The following SECTM1 variants were observed in gnomAD, a reference collection of about 807,000 sequenced individuals.
SECTM1 encodes the protein secreted and transmembrane protein 1.
A neutral mutation model predicts 18.1 loss-of-function variants in SECTM1; 10 were observed. That is an observed-to-expected ratio of 0.55 (90% CI 0.34 to 0.94). The LOEUF is 0.94. Ranked by LOEUF, SECTM1 falls within the 40% of genes least tolerant of loss-of-function variation. The pLI is 0.02. For missense variants in SECTM1, 297 were observed against 322.6 expected, an observed-to-expected ratio of 0.92 and a Z score of 0.61; for synonymous variants, 137 against 139.2, an observed-to-expected ratio of 0.98 and a Z score of 0.11.
Position 82,324,695 on chromosome 17 carries a change from C to T in SECTM1, c.290G>A (p.Gly97Glu). 1 of 1,614,182 alleles carries T rather than the reference C, an allele frequency of 6.2e-7. No homozygotes were observed. The highest frequency in any genetic ancestry group is 1.7e-5 in the Admixed American group (1 of 60,026). ...TTTGATCACCAGCTGTGCCACGCCT[C>T]CCTGAACCTGGAGCTGCCAGCCGTC... ...SRDGWQLQVQ[G>E]GVAQLVIKGA... Residue 97 changes from glycine to glutamate, a missense_variant, in exon 3 of 5, where the codon GGA becomes GAA. By Grantham distance (98) the Gly-to-Glu change is moderately conservative. Coordinates refer to ENST00000269389, the MANE Select transcript of SECTM1 (RefSeq NM_003004.3).
At chr17:82,322,450 C>A in intron 4 of SECTM1, 80 bp from the exon 5 acceptor site, 1 of 1,362,324 alleles carries the variant, frequency 7.3e-7, no homozygotes, top group Admixed American at 1.8e-5. Context: ...TGCGTTCACA[C>A]TCACGGGCAT....
rs1029155753 is a variant in SECTM1, at chr17:82,328,877, C to G, written c.-52-1585G>C. On this transcript the variant is annotated intron_variant, in intron 1 of 4. Coordinates refer to ENST00000269389, the MANE Select transcript of SECTM1 (RefSeq NM_003004.3). This position sits in a 1 kb window ranked among gnomAD's most constrained non-coding sequence, Gnocchi z 5.8. ...TCCCTAGGTAGGGCGGCAACTCCAG[C>G]CCTGCCTCTCCCAGCTCCCAGTGCA... is the stretch of plus-strand genomic sequence containing the variant. Among the ~76,000 whole-genome samples, 1 of 152,188 alleles carries G rather than the reference C, an allele frequency of 6.6e-6. No homozygotes were observed. Among genetic ancestry groups the G allele is most frequent in the Non-Finnish European group, 1.5e-5 (1 of 68,030 alleles).
rs1020587791 is a variant in SECTM1, at chr17:82,321,263, G to GT, written c.*897dup. Reference sequence around the variant, plus strand: ...CTAAAGACGTTTCTTTCAGATTTTTGTTTTCCATTTTAAAAATTGCATTTG... The same window carrying GT: ...CTAAAGACGTTTCTTTCAGATTTTTGTTTTTCCATTTTAAAAATTGCATTTG... On this transcript the variant is annotated 3_prime_UTR_variant, in exon 5 of 5. Transcript: ENST00000269389. 1.1e-4 allele frequency: 16 copies of GT among 152,184 alleles called. No homozygotes were observed. Among genetic ancestry groups the GT allele is most frequent in the African/African-American group, 3.6e-4 (15 of 41,450 alleles). The allele number at this position is 152,184 out of a possible 1,614,324, so 9.4% of individuals were successfully genotyped here.
intron 1 of SECTM1, among the ~76,000 whole-genome samples, chr17:82,331,531 C>T (rs895028661): frequency 5.3e-5 from 8 of 152,222 alleles, no homozygotes; most frequent in African/African-American, 1.4e-4. Flanking sequence ...GTGGGACACT[C>T]GGGACACACT....
In SECTM1 at chr17:82,327,039, G is replaced by A. The variant is rs536886169; in HGVS notation, c.94+108C>T. On this transcript the variant is annotated intron_variant, in intron 2 of 4. Coordinates refer to ENST00000269389, the MANE Select transcript of SECTM1 (RefSeq NM_003004.3). ...TGGGTCTGCAGAGTCAGTCATTATCGGGGGTCTGGTGGCACCTGGACCCAA... is the reference window on the plus strand; with the variant it reads ...TGGGTCTGCAGAGTCAGTCATTATCAGGGGTCTGGTGGCACCTGGACCCAA... 4.3e-5 allele frequency: 34 copies of A among 791,292 alleles called. No homozygotes were observed. In the East Asian group the frequency reaches 6.6e-4, roughly 15 times the overall value. 49.0% of individuals were successfully genotyped at this position (791,292 alleles called of 1,614,324 possible).
intron 4 of SECTM1, 76 bp from the exon 5 acceptor site, chr17:82,322,446 C>A: frequency 7.1e-7 from 1 of 1,400,286 alleles, no homozygotes; most frequent in South Asian, 1.2e-5. Context: ...GGCGTGCGTT[C>A]ACACTCACGG....
rs114945035 is a variant in SECTM1, at chr17:82,321,935, C to A, written c.*226G>T. On this transcript the variant is annotated 3_prime_UTR_variant, in exon 5 of 5. Transcript: ENST00000269389. The stretch of plus-strand genomic sequence containing the variant: ...ATGCGTCCTGGTAAGTCGGGTGCTG[C>A]GGAGGTGAGGTGGTTCCATTTTGGA... The A allele has an allele frequency of 5.2e-4, 292 of 559,614 alleles. 2 individuals are homozygous for A. The highest frequency in any genetic ancestry group is 5.2e-3 in the African/African-American group (272 of 52,220). The allele number at this position is 559,614 out of a possible 1,614,324, so 34.7% of individuals were successfully genotyped here.
At chr17:82,327,125 G>A in intron 2 of SECTM1, 22 bp downstream of exon 2, 1 of 1,580,352 alleles carries the variant, frequency 6.3e-7, no homozygotes, top group South Asian at 1.1e-5. Context: ...CCCCAGCAGA[G>A]AGGCGGGGCC....
chr17:82,327,427 C>T (rs1387800875), intron 1 of SECTM1, 135 bp from the exon 2 acceptor site: 2 of 584,736 alleles, frequency 3.4e-6, no homozygotes, highest in Non-Finnish European at 6.2e-6. Flanking sequence ...GATGCTGGAG[C>T]CCCTGCCCTC....
Position 82,330,419 on chromosome 17 carries a change from C to T in SECTM1, c.-52-3127G>A, listed in dbSNP as rs866117846. Among the ~76,000 whole-genome samples, 8 of 152,128 alleles carry T rather than the reference C, an allele frequency of 5.3e-5. No homozygotes were observed. Among genetic ancestry groups the T allele is most frequent in the Non-Finnish European group, 1.0e-4 (7 of 67,996 alleles). ...AAGGTCACAGATCCCCAGAGAGCCCCGACAGCGCTGCGTCCACCCCACCTG... is the reference window on the plus strand; with the variant it reads ...AAGGTCACAGATCCCCAGAGAGCCCTGACAGCGCTGCGTCCACCCCACCTG... On this transcript the variant is annotated intron_variant, in intron 1 of 4. Coordinates refer to ENST00000269389, the MANE Select transcript of SECTM1 (RefSeq NM_003004.3). The surrounding 1 kb of genome is among the most constrained non-coding windows in gnomAD (Gnocchi z 6.1).
chr17:82,327,032 C>A, intron 2 of SECTM1, 115 bp downstream of exon 2: 1 of 759,446 alleles, frequency 1.3e-6, no homozygotes, highest in South Asian at 1.7e-5. Flanking sequence ...CAGAGTCAGT[C>A]ATTATCGGGG....
At position 82,323,709 on chromosome 17, in the gene SECTM1, A is replaced by G. The variant is rs1045222420; in HGVS notation, c.404-698T>C. Among the ~76,000 whole-genome samples, 3 of 152,014 alleles carry G rather than the reference A, an allele frequency of 2.0e-5. No individual in the cohort carries two copies. In the East Asian group the frequency reaches 5.8e-4, roughly 29 times the overall value. On this transcript the variant is annotated intron_variant, in intron 3 of 4. Transcript: ENST00000269389. ...CACCACTGCTTTCTGGTTGAACCAG[A>G]TAAGTAGCTGGTGGTGACGGCTGTG... is the stretch of plus-strand genomic sequence containing the variant.
Position 82,329,999 on chromosome 17 carries a change from A to G in SECTM1, c.-52-2707T>C, listed in dbSNP as rs945127508. Among the ~76,000 whole-genome samples, 1 of 152,084 alleles carries G rather than the reference A, an allele frequency of 6.6e-6. No individual in the cohort carries two copies. The highest frequency in any genetic ancestry group is 6.5e-5 in the Admixed American group (1 of 15,276). On this transcript the variant is annotated intron_variant, in intron 1 of 4. Transcript: ENST00000269389. The surrounding 1 kb of genome is among the most constrained non-coding windows in gnomAD (Gnocchi z 7.6). ...GGATGAGGACGTGACATCTTTGGGG[A>G]CTGGTAGCCGACCACAGAACCCCCA...
chr17:82,322,344 C>T lies in SECTM1; in HGVS notation c.564G>A (p.Gln188=). 1 of 1,613,792 alleles carries T rather than the reference C, an allele frequency of 6.2e-7. No individual in the cohort carries two copies. The highest frequency in any genetic ancestry group is 1.1e-5 in the South Asian group (1 of 91,080). Residue 188 remains glutamine (Q), a synonymous_variant, in exon 5 of 5, where the codon CAG becomes CAA. Coordinates refer to ENST00000269389, the MANE Select transcript of SECTM1 (RefSeq NM_003004.3). ...REKKFFLLEP[Q]MKVAALRAGA... ...CCGCTCTGAGGGCTGCGACCTTCAT[C>T]TGGGGTTCTAGGAGGAAGAACTTCT... is the stretch of plus-strand genomic sequence containing the variant.
chr17:82,323,357 T>C, intron 3 of SECTM1: 1 of 264,154 alleles, frequency 3.8e-6, no homozygotes, highest in South Asian at 5.5e-5. Flanking sequence ...GCCTGCCCTG[T>C]TGTGGCCCAC....
At chr17:82,324,479 C>G (rs2052127008) in intron 3 of SECTM1, 103 bp downstream of exon 3, 14 of 1,230,172 alleles carry the variant, frequency 1.1e-5, no homozygotes, top group Middle Eastern at 2.8e-4. Context: ...TCTTCTTCCT[C>G]CTCCTTCCCT....
chr17:82,327,255 GGGCCCCTGGTCCTTGT>G lies in SECTM1; in HGVS notation c.-31_-16del. 1.9e-6 allele frequency: 3 copies of G among 1,593,130 alleles called. No individual in the cohort carries two copies. In the East Asian group the frequency reaches 6.8e-5, roughly 36 times the overall value. On this transcript the variant is annotated 5_prime_UTR_variant, in exon 2 of 5. Coordinates refer to ENST00000269389, the MANE Select transcript of SECTM1 (RefSeq NM_003004.3). Reference sequence around the variant, plus strand: ...CAGGTCTGCATGGCTGGTGGGACTTGGGCCCCTGGTCCTTGTCACTGGCTCTTGAAACACTCCCTGG... The same window carrying G: ...CAGGTCTGCATGGCTGGTGGGACTTGCACTGGCTCTTGAAACACTCCCTGG...
intron 3 of SECTM1, 118 bp from the exon 4 acceptor site, chr17:82,323,129 G>A: frequency 8.0e-7 from 1 of 1,243,784 alleles, no homozygotes; most frequent in Non-Finnish European, 1.1e-6. Context: ...ATGAGCCTTG[G>A]AAGACGGCAC....
At position 82,330,326 on chromosome 17, in the gene SECTM1, G is replaced by A. The variant is rs1017436281; in HGVS notation, c.-52-3034C>T. ...TGGAGCCTGGAGGCCATCTGAGTCT[G>A]TTTCACAAATGCTTCCAGGGACTGC... On this transcript the variant is annotated intron_variant, in intron 1 of 4. Coordinates refer to ENST00000269389, the MANE Select transcript of SECTM1 (RefSeq NM_003004.3). The surrounding 1 kb of genome is among the most constrained non-coding windows in gnomAD (Gnocchi z 6.1). Among the ~76,000 whole-genome samples the A allele has an allele frequency of 3.9e-5, 6 of 152,154 alleles. No individual in the cohort carries two copies. The highest frequency in any genetic ancestry group is 7.4e-5 in the Non-Finnish European group (5 of 67,998).
Sources: gnomAD v4.1 joint callset for allele counts (sites outside exome capture counted in the v4.1 genomes callset) on GRCh38, gnomAD v4.1.1 for gene constraint, Gnocchi (gnomAD v3.1) non-coding constraint, MANE v1.5 for transcripts, NCBI Gene and HGNC (gene_info 2026-07-23, HGNC 2026-07-21) for gene names.